RAB3C: variants seen among roughly 807,000 people sequenced by gnomAD.
The protein encoded by RAB3C is RAB3C, member RAS oncogene family.
A neutral mutation model predicts 26.4 loss-of-function variants in RAB3C; 17 were observed. That is an observed-to-expected ratio of 0.64 (90% CI 0.44 to 0.97). RAB3C has a LOEUF of 0.97. Among genes scored for constraint, RAB3C ranks in the 50% least tolerant of loss-of-function variants. The pLI is 0.00. For synonymous variants in RAB3C, 91 were observed against 95.9 expected, an observed-to-expected ratio of 0.95 and a Z score of 0.30; for missense variants, 242 against 281.9, an observed-to-expected ratio of 0.86 and a Z score of 1.01.
At chr5:58,843,373 A>G (rs1370957974) in intron 4 of RAB3C, among the ~76,000 whole-genome samples, 3 of 152,222 alleles carry the variant, frequency 2.0e-5, no homozygotes, top group African/African-American at 7.2e-5. Flanking sequence ...GAAGTTATCA[A>G]TGTTTTTGTT....
intron 2 of RAB3C, among the ~76,000 whole-genome samples, chr5:58,619,734 T>A (rs1746895451): frequency 6.6e-6 from 1 of 152,180 alleles, no homozygotes; most frequent in African/African-American, 2.4e-5. Context: ...AGAAATTCTT[T>A]GTTGAGGTGC....
intron 2 of RAB3C, among the ~76,000 whole-genome samples, chr5:58,697,012 G>T (rs536490240): frequency 6.6e-6 from 1 of 152,246 alleles, no homozygotes; most frequent in African/African-American, 2.4e-5. Flanking sequence ...TAATTGTGAT[G>T]TTAGGGTGTC....
At chr5:58,693,874 C>G (rs940909307) in intron 2 of RAB3C, among the ~76,000 whole-genome samples, 9 of 152,268 alleles carry the variant, frequency 5.9e-5, no homozygotes, top group Admixed American at 5.9e-4. Context: ...CCTGGATATG[C>G]TTGACAACCC....
At chr5:58,583,442 C>A (rs561031160) in intron 1 of RAB3C, 2 of 666,272 alleles carry the variant, frequency 3.0e-6, no homozygotes, top group African/African-American at 2.0e-5. Flanking sequence ...TCGGGCTATT[C>A]GCAATCTTTC....
chr5:58,721,473 C>T (rs556250143), intron 2 of RAB3C, among the ~76,000 whole-genome samples: 1 of 151,718 alleles, frequency 6.6e-6, no homozygotes, highest in East Asian at 2.0e-4. Context: ...GCTTCCTGGG[C>T]AAATTGGGAA....
intron 3 of RAB3C, among the ~76,000 whole-genome samples, chr5:58,764,298 G>GA (rs1741853693): frequency 6.6e-6 from 1 of 151,952 alleles, no homozygotes; most frequent in Admixed American, 6.6e-5. Flanking sequence ...CACGGCTATG[G>GA]CCTTTAAATC....
At chr5:58,638,583 C>G (rs1210936696) in intron 2 of RAB3C, among the ~76,000 whole-genome samples, 1 of 152,140 alleles carries the variant, frequency 6.6e-6, no homozygotes, top group African/African-American at 2.4e-5. Flanking sequence ...CTTTACAACT[C>G]ACATAGATAT....
chr5:58,746,144 A>C (rs1741397457), intron 3 of RAB3C, among the ~76,000 whole-genome samples: 2 of 152,188 alleles, frequency 1.3e-5, no homozygotes, highest in African/African-American at 2.4e-5. Flanking sequence ...TATATCCTCA[A>C]AGTAATCTCC....
intron 2 of RAB3C, among the ~76,000 whole-genome samples, chr5:58,637,098 C>CTT (rs10669263): frequency 0.24 from 34,037 of 142,068 alleles, 4,473 homozygotes; most frequent in East Asian, 0.43. Flanking sequence ...TTTCAAAGAA[C>CTT]TTTTTTTTTT....
intron 1 of RAB3C, among the ~76,000 whole-genome samples, chr5:58,583,635 C>T (rs993091530): frequency 1.3e-5 from 2 of 152,182 alleles, no homozygotes; most frequent in Admixed American, 6.5e-5. Context: ...AGGCTCCCCA[C>T]TGGAGTCGGC....
intron 1 of RAB3C, among the ~76,000 whole-genome samples, chr5:58,585,464 G>T (rs535482260): frequency 1.3e-5 from 2 of 151,664 alleles, no homozygotes; most frequent in East Asian, 3.9e-4. Context: ...TTTTACTTAG[G>T]TCTGTAGAAG....
chr5:58,829,946 G>T (rs1488895772), intron 4 of RAB3C, among the ~76,000 whole-genome samples: 1 of 151,970 alleles, frequency 6.6e-6, no homozygotes, highest in Admixed American at 6.6e-5. Context: ...GTCATAAAAC[G>T]TGTATCTTCC....
At chr5:58,707,287 A>G (rs1748964204) in intron 2 of RAB3C, among the ~76,000 whole-genome samples, 2 of 152,232 alleles carry the variant, frequency 1.3e-5, no homozygotes, top group Non-Finnish European at 2.9e-5. Flanking sequence ...GGATAATTCT[A>G]TAGAGATATA....
At chr5:58,751,789 A>T (rs1291064329) in intron 3 of RAB3C, among the ~76,000 whole-genome samples, 2 of 152,252 alleles carry the variant, frequency 1.3e-5, no homozygotes, top group Non-Finnish European at 2.9e-5. Context: ...TGCTGAATTA[A>T]ATCTGCTGTT....
chr5:58,807,465 T>C (rs1300124199), intron 3 of RAB3C, among the ~76,000 whole-genome samples: 1 of 152,200 alleles, frequency 6.6e-6, no homozygotes, highest in East Asian at 1.9e-4. Context: ...CAAAATACCA[T>C]AGACTGGGTG....
intron 1 of RAB3C, among the ~76,000 whole-genome samples, chr5:58,596,869 A>T (rs1397395006): frequency 2.0e-5 from 2 of 99,174 alleles, no homozygotes; most frequent in East Asian, 6.6e-4. Flanking sequence ...ATAATATTAT[A>T]TTTAATATAT....
chr5:58,805,118 A>G (rs772120934), intron 3 of RAB3C, among the ~76,000 whole-genome samples: 3 of 152,196 alleles, frequency 2.0e-5, no homozygotes, highest in Non-Finnish European at 4.4e-5. Context: ...TTATTCAATT[A>G]TAAACTAAAT....
At chr5:58,846,484 T>C (rs752180957) in intron 4 of RAB3C, among the ~76,000 whole-genome samples, 3 of 152,076 alleles carry the variant, frequency 2.0e-5, no homozygotes, top group Non-Finnish European at 4.4e-5. Context: ...GGCTCAGTGG[T>C]CCTCCCACCT....
At chr5:58,662,398 G>T (rs1412166536) in intron 2 of RAB3C, among the ~76,000 whole-genome samples, 4 of 150,100 alleles carry the variant, frequency 2.7e-5, no homozygotes, top group East Asian at 3.9e-4. Context: ...CCTTACAGCA[G>T]ATTCTTCCTC....
Sources: gnomAD v4.1 joint callset for allele counts (sites outside exome capture counted in the v4.1 genomes callset) on GRCh38, gnomAD v4.1.1 for gene constraint, MANE v1.5 for transcripts, NCBI Gene and HGNC (gene_info 2026-07-23, HGNC 2026-07-21) for gene names.